RAB33A: variants seen among roughly 807,000 people sequenced by gnomAD.
RAB33A encodes RAB33A, member RAS oncogene family.
A neutral mutation model predicts 12.0 loss-of-function variants in RAB33A; 6 were observed. The ratio of observed to expected loss-of-function variants is 0.50; its 90% CI spans 0.27 to 0.99. RAB33A has a LOEUF of 0.99. Among genes scored for constraint, RAB33A ranks in the 50% least tolerant of loss-of-function variants. The pLI, the probability that RAB33A is intolerant of heterozygous loss-of-function variation, is 0.11. For missense variants in RAB33A, 109 were observed against 192.0 expected, an observed-to-expected ratio of 0.57 and a Z score of 2.55; for synonymous variants, 70 against 82.4, an observed-to-expected ratio of 0.85 and a Z score of 0.81.
intron 1 of RAB33A, among the ~76,000 whole-genome samples, chrX:130,178,282 C>T (rs1260206282): frequency 9.2e-6 from 1 of 109,215 alleles, no homozygotes; most frequent in Non-Finnish European, 1.9e-5. Flanking sequence ...TGCACTGCTG[C>T]ACTCCAGCCT....
At chrX:130,182,173 T>TAC (rs2031735714) in intron 1 of RAB33A, among the ~76,000 whole-genome samples, 2 of 58,784 alleles carry the variant, frequency 3.4e-5, no homozygotes, top group South Asian at 8.3e-4. Flanking sequence ...TATATATATA[T>TAC]ATATATATAC....
At chrX:130,152,097 A>G in the RAB33A span, among the ~76,000 whole-genome samples, 1 of 108,310 alleles carries the variant, frequency 9.2e-6, no homozygotes, top group African/African-American at 3.4e-5. Flanking sequence ...AAAAGGGAAG[A>G]GAAGAGAAGA....
At chrX:130,152,138 A>G in the RAB33A span, among the ~76,000 whole-genome samples, 3 of 111,801 alleles carry the variant, frequency 2.7e-5, no homozygotes, top group African/African-American at 9.8e-5. Context: ...AAGAAAAGAA[A>G]AAAAAGAAAA....
the RAB33A span, among the ~76,000 whole-genome samples, chrX:130,114,905 G>A: frequency 9.0e-6 from 1 of 111,701 alleles, no homozygotes; most frequent in Non-Finnish European, 1.9e-5. Flanking sequence ...GGGCTCAAGC[G>A]ATCCTCCCTC....
the RAB33A span, among the ~76,000 whole-genome samples, chrX:130,151,149 T>C: frequency 4.7e-5 from 5 of 105,963 alleles, no homozygotes. Context: ...ATTCTTTTCT[T>C]TTTTTTTTTG....
the RAB33A span, among the ~76,000 whole-genome samples, chrX:130,118,279 G>C: frequency 8.9e-3 from 1,003 of 112,709 alleles, 18 homozygotes; most frequent in African/African-American, 0.03. Flanking sequence ...TCCAGGACTA[G>C]GGATGAGGTA....
the RAB33A span, chrX:130,137,567 C>A: frequency 3.5e-6 from 4 of 1,157,767 alleles, no homozygotes; most frequent in Middle Eastern, 9.4e-4. Flanking sequence ...ATGAAACATT[C>A]CAACTGGAGC....
At chrX:130,117,501 G>A in the RAB33A span, among the ~76,000 whole-genome samples, 1 of 111,890 alleles carries the variant, frequency 8.9e-6, no homozygotes, top group Non-Finnish European at 1.9e-5. Flanking sequence ...CTTCAGGAGG[G>A]CCCTCTGGGA....
At chrX:130,163,236 G>A in the RAB33A span, among the ~76,000 whole-genome samples, 4 of 105,697 alleles carry the variant, frequency 3.8e-5, no homozygotes, top group African/African-American at 1.4e-4. Flanking sequence ...CTTGAACCCA[G>A]CAGGCAGAGG....
the RAB33A span, among the ~76,000 whole-genome samples, chrX:130,123,720 A>T: frequency 9.4e-6 from 1 of 106,300 alleles, no homozygotes; most frequent in Non-Finnish European, 1.9e-5. Context: ...AAAAAAAAAA[A>T]AAAAAAGGAA....
intron 1 of RAB33A, among the ~76,000 whole-genome samples, chrX:130,177,074 C>T (rs946242270): frequency 1.7e-4 from 19 of 112,476 alleles, no homozygotes; most frequent in African/African-American, 6.1e-4. Flanking sequence ...TTGGCAGTTC[C>T]CCATGCTGTG....
chrX:130,184,505 A>G lies in RAB33A; in HGVS notation c.479A>G (p.Gln160Arg). 1 of 1,211,903 alleles carries G rather than the reference A, an allele frequency of 8.3e-7. No individual in the cohort carries two copies. The highest frequency in any genetic ancestry group is 2.2e-5 in the Admixed American group (1 of 46,095). Residue 160 changes from glutamine (Q) to arginine (R), a missense_variant, in exon 2 of 2, where the codon CAG (glutamine) becomes CGG (arginine). Coordinates refer to ENST00000257017, the MANE Select transcript of RAB33A (RefSeq NM_004794.3). ...GNKCDLREQI[Q>R]VPSNLALKFA... ...AAGTGTGACTTGAGGGAACAGATCCAGGTGCCCTCCAACTTAGCCCTGAAA... is the reference window on the plus strand; with the variant it reads ...AAGTGTGACTTGAGGGAACAGATCCGGGTGCCCTCCAACTTAGCCCTGAAA...
the RAB33A span, among the ~76,000 whole-genome samples, chrX:130,161,626 G>A: frequency 1.1e-4 from 4 of 35,279 alleles, no homozygotes; most frequent in Non-Finnish European, 2.1e-4. Context: ...TTTTTTTTTT[G>A]AGACAGATTC....
At chrX:130,132,935 C>G in the RAB33A span, among the ~76,000 whole-genome samples, 187 of 110,053 alleles carry the variant, frequency 1.7e-3, 1 homozygote, top group African/African-American at 6.1e-3. Flanking sequence ...TTAGTAGAGA[C>G]GGGGTTTCAC....
upstream of RAB33A, among the ~76,000 whole-genome samples, chrX:130,170,924 G>A (rs1469426135): frequency 1.8e-5 from 2 of 112,772 alleles, no homozygotes; most frequent in African/African-American, 6.4e-5. Context: ...TGCTGGAACT[G>A]CCACCACTAG....
chrX:130,166,067 T>C, the RAB33A span, among the ~76,000 whole-genome samples: 1 of 112,108 alleles, frequency 8.9e-6, no homozygotes, highest in African/African-American at 3.2e-5. Context: ...TTGTGCCTGG[T>C]GCTGCCGCTG....
Position 130,172,107 on chromosome X carries a change from G to C in RAB33A, c.45G>C (p.Ser15=), listed in dbSNP as rs375173591. The part of the protein sequence containing the change: ...ILGHGSLQPA[S]AAGLASLELD... The stretch of plus-strand genomic sequence containing the variant: ...GCCATGGGAGCCTGCAGCCCGCCTC[G>C]GCCGCTGGCCTGGCGTCCCTGGAGC... Residue 15 remains serine, a synonymous_variant, in exon 1 of 2, where the codon TCG becomes TCC. Transcript: ENST00000257017. 4.5e-5 allele frequency: 54 copies of C among 1,210,351 alleles called. No homozygotes were observed. Among genetic ancestry groups the C allele is most frequent in the Non-Finnish European group, 5.6e-5 (50 of 895,057 alleles).
At chrX:130,148,278 T>C in the RAB33A span, among the ~76,000 whole-genome samples, 1 of 111,087 alleles carries the variant, frequency 9.0e-6, no homozygotes, top group Non-Finnish European at 1.9e-5. Flanking sequence ...AGGGAGAAAA[T>C]CCAGGAGGTC....
intron 1 of RAB33A, among the ~76,000 whole-genome samples, chrX:130,176,262 G>A (rs182244344): frequency 8.9e-6 from 1 of 112,131 alleles, no homozygotes; most frequent in South Asian, 3.7e-4. Flanking sequence ...GGAAAATGCC[G>A]AATAGGGGTG....
Sources: allele counts gnomAD v4.1 joint callset (sites outside exome capture counted in the v4.1 genomes callset), GRCh38; gene constraint gnomAD v4.1.1; transcripts MANE v1.5; gene names NCBI Gene and HGNC (gene_info 2026-07-23, HGNC 2026-07-21).